ZNRF3: variants seen among roughly 807,000 people sequenced by gnomAD.
The protein encoded by ZNRF3 is zinc and ring finger 3.
In ZNRF3, 23 loss-of-function variants were observed where a neutral mutation model predicts 72.5. That is an observed-to-expected ratio of 0.32 (90% CI 0.23 to 0.45). The LOEUF (loss-of-function observed/expected upper bound fraction) is 0.45. Ranked by LOEUF, ZNRF3 falls within the 20% of genes least tolerant of loss-of-function variation. The pLI, the probability that ZNRF3 is intolerant of heterozygous loss-of-function variation, is 1.00. For synonymous variants in ZNRF3, 610 were observed against 545.3 expected, an observed-to-expected ratio of 1.12 and a Z score of -1.65; for missense variants, 1,169 against 1,272.1, an observed-to-expected ratio of 0.92 and a Z score of 1.23.
At chr22:28,964,440 G>A (rs888909584) in intron 1 of ZNRF3, among the ~76,000 whole-genome samples, 1 of 152,132 alleles carries the variant, frequency 6.6e-6, no homozygotes, top group Non-Finnish European at 1.5e-5. Context: ...GCTGAGCCTG[G>A]GCCAGGGGCA....
chr22:29,003,062 C>G (rs970323325), intron 2 of ZNRF3, among the ~76,000 whole-genome samples: 7 of 152,124 alleles, frequency 4.6e-5, no homozygotes, highest in African/African-American at 1.7e-4. Flanking sequence ...TTTTAGCACC[C>G]CATTTTTCCT....
At position 29,014,973 on chromosome 22, in the gene ZNRF3, G is replaced by C. The variant is rs1278083335; in HGVS notation, c.427-27522G>C. On this transcript the variant is annotated intron_variant, in intron 2 of 8. Coordinates refer to ENST00000544604, the MANE Select transcript of ZNRF3 (RefSeq NM_001206998.2). ...CTTGCCTGCCTCCGCTCCGTCATCT[G>C]TTCTTTGACACATCTGCAACCTGGG... is the stretch of plus-strand genomic sequence containing the variant. 2.0e-5 allele frequency among the ~76,000 whole-genome samples: 3 copies of C among 152,218 alleles called. No homozygotes were observed. In the East Asian group the frequency reaches 5.8e-4, roughly 29 times the overall value.
At chr22:28,900,041 CAG>C (rs200040901) in intron 1 of ZNRF3, among the ~76,000 whole-genome samples, 1,686 of 152,240 alleles carry the variant, frequency 0.011, 16 homozygotes, top group Non-Finnish European at 0.019. Flanking sequence ...GGAGGGTAAA[CAG>C]GGGATCTTCT....
chr22:28,964,178 C>T (rs572011121), intron 1 of ZNRF3, among the ~76,000 whole-genome samples: 2 of 152,202 alleles, frequency 1.3e-5, no homozygotes, highest in East Asian at 1.9e-4. Context: ...AGAAACCAGG[C>T]GGCTCTAAGT....
Position 29,046,766 on chromosome 22 carries a change from A to T in ZNRF3, c.795A>T (p.Arg265Ser). 1 of 1,612,172 alleles carries T rather than the reference A, an allele frequency of 6.2e-7. No homozygotes were observed. Among genetic ancestry groups the T allele is most frequent in the Non-Finnish European group, 8.5e-7 (1 of 1,179,080 alleles). The part of the protein sequence containing the change: ...AVQALEKMET[R>S]KFNSKSKGRR... The stretch of plus-strand genomic sequence containing the variant: ...AGGCTCTAGAGAAGATGGAAACCAG[A>T]AAGTTCAACTCCAAGAGCAAGGGGC... The change falls in exon 6 of 9, where the codon AGA (arginine) becomes AGT (serine). Residue 265 changes from arginine to serine, a missense_variant. This residue lies in a region of ZNRF3 where 386 missense variants were observed against 540.7 expected (regional missense o/e 0.71). Transcript: ENST00000544604.
chr22:28,993,877 C>T (rs9608714), intron 2 of ZNRF3, among the ~76,000 whole-genome samples: 1 of 152,106 alleles, frequency 6.6e-6, no homozygotes, highest in African/African-American at 2.4e-5. Flanking sequence ...GAGACAGAGT[C>T]TCAATATATT....
chr22:29,051,862 G>A (rs1181339849), intron 8 of ZNRF3, among the ~76,000 whole-genome samples: 6 of 143,852 alleles, frequency 4.2e-5, no homozygotes, highest in Non-Finnish European at 9.0e-5. Context: ...CCGCGCTCCA[G>A]CCTGAGCGAC....
At chr22:29,026,460 G>A (rs1395815411) in intron 2 of ZNRF3, 1 of 152,148 alleles carries the variant, frequency 6.6e-6, no homozygotes, top group East Asian at 1.9e-4. Context: ...GAAAGCATGT[G>A]TTTCATTTTT....
chr22:28,902,457 G>C (rs537223921), intron 1 of ZNRF3, among the ~76,000 whole-genome samples: 1 of 151,636 alleles, frequency 6.6e-6, no homozygotes, highest in African/African-American at 2.4e-5. Context: ...ATCTTGGTTC[G>C]CTACGAACTC....
chr22:28,920,000 T>C (rs993609873), intron 1 of ZNRF3, among the ~76,000 whole-genome samples: 1 of 150,572 alleles, frequency 6.6e-6, no homozygotes, highest in African/African-American at 2.4e-5. Flanking sequence ...AGTTTTGCTC[T>C]TGTTGCCCAG....
intron 1 of ZNRF3, among the ~76,000 whole-genome samples, chr22:28,937,198 TATATATATATATATA>T (rs1282044551): frequency 3.8e-3 from 11 of 2,908 alleles, no homozygotes; most frequent in African/African-American, 5.6e-3. Context: ...TATATATATA[TATATATATATATATA>T]TATTTTTTTT....
chr22:29,050,167 C>T lies in ZNRF3; in HGVS notation c.1986C>T (p.Ser662=). The T allele has an allele frequency of 6.2e-7, 1 of 1,603,306 alleles. No homozygotes were observed. The highest frequency in any genetic ancestry group is 8.5e-7 in the Non-Finnish European group (1 of 1,179,856). Residue 662 remains serine, a synonymous_variant, in exon 8 of 9, where the codon AGC becomes AGT. Transcript: ENST00000544604. ...SPSGDQVSTC[S]LEMNYSSNSS... is the part of the protein sequence containing the mutation. ...CGGGGGATCAGGTGTCCACCTGCAG[C>T]CTGGAGATGAACTACAGCAGCAACT...
chr22:29,039,784 C>CAAAAAAAAAAAA (rs397976678), intron 2 of ZNRF3, among the ~76,000 whole-genome samples: 2 of 85,326 alleles, frequency 2.3e-5, no homozygotes, highest in South Asian at 3.9e-4. Flanking sequence ...TCGTCTCTAC[C>CAAAAAAAAAAAA]AAAAAAAAAA....
chr22:28,986,693 C>T, intron 1 of ZNRF3: 1 of 965,016 alleles, frequency 1.0e-6, no homozygotes, highest in Non-Finnish European at 1.2e-6. Flanking sequence ...ATCTTGGATA[C>T]TAACATAGCT....
intron 1 of ZNRF3, among the ~76,000 whole-genome samples, chr22:28,974,155 G>A (rs561684835): frequency 6.6e-6 from 1 of 152,110 alleles, no homozygotes; most frequent in Admixed American, 6.5e-5. Flanking sequence ...TAGAGACGGA[G>A]TTTCACCGAG....
chr22:28,960,730 ATTG>A (rs2035343301), intron 1 of ZNRF3, among the ~76,000 whole-genome samples: 1 of 152,100 alleles, frequency 6.6e-6, no homozygotes, highest in Non-Finnish European at 1.5e-5. Context: ...GGGAGGCTGC[ATTG>A]TTGTTCTGAG....
At chr22:29,053,050 ACTCT>A (rs2037235335) in intron 8 of ZNRF3, among the ~76,000 whole-genome samples, 2 of 151,404 alleles carry the variant, frequency 1.3e-5, no homozygotes, top group African/African-American at 4.9e-5. Flanking sequence ...CTCCTGGTTC[ACTCT>A]CCTTGCTTCC....
At chr22:29,041,345 A>G (rs1345478777) in intron 2 of ZNRF3, among the ~76,000 whole-genome samples, 2 of 152,186 alleles carry the variant, frequency 1.3e-5, no homozygotes, top group South Asian at 2.1e-4. Flanking sequence ...GGGTCTTGCT[A>G]TGTTACCTAG....
At chr22:28,961,836 A>G (rs188023776) in intron 1 of ZNRF3, among the ~76,000 whole-genome samples, 162 of 152,310 alleles carry the variant, frequency 1.1e-3, no homozygotes, top group African/African-American at 3.6e-3. Flanking sequence ...TCTGACCCCA[A>G]AAGACCTTCC....
Sources: gnomAD v4.1 joint callset for allele counts (sites outside exome capture counted in the v4.1 genomes callset) on GRCh38, gnomAD v4.1.1 for gene constraint, gnomAD v4.1.1 regional missense constraint, MANE v1.5 for transcripts, NCBI Gene and HGNC (gene_info 2026-07-23, HGNC 2026-07-21) for gene names.